Variants in PEAK1 observed in about 807,000 individuals in gnomAD.
The protein encoded by PEAK1 is pseudopodium enriched atypical kinase 1.
A neutral mutation model predicts 124.7 loss-of-function variants in PEAK1; 54 were observed. That is an observed-to-expected ratio of 0.43 (90% confidence interval 0.35 to 0.54). The LOEUF is 0.54. PEAK1 is among the 20% of genes least tolerant of loss of function. The pLI, the probability that PEAK1 is intolerant of heterozygous loss-of-function variation, is 0.01. For synonymous variants in PEAK1, 719 were observed against 760.0 expected, an observed-to-expected ratio of 0.95 and a Z score of 0.89; for missense variants, 2,046 against 2,134.5, an observed-to-expected ratio of 0.96 and a Z score of 0.82.
At chr15:77,204,624 C>T (rs1312291435) in intron 6 of PEAK1, 1 of 152,630 alleles carries the variant, frequency 6.6e-6, no homozygotes, top group Non-Finnish European at 1.5e-5. Flanking sequence ...GCTAAATCTG[C>T]TCCTGCAAAA....
At chr15:77,223,886 A>ATTTTTTTTTTTTTT (rs10719377) in intron 6 of PEAK1, among the ~76,000 whole-genome samples, 7 of 121,574 alleles carry the variant, frequency 5.8e-5, no homozygotes, top group South Asian at 2.8e-4. Context: ...CATTTGAGAG[A>ATTTTTTTTTTTTTT]TTTTTTTTTT....
At chr15:77,406,289 AT>A (rs2071812612) in intron 1 of PEAK1, among the ~76,000 whole-genome samples, 1 of 152,182 alleles carries the variant, frequency 6.6e-6, no homozygotes, top group South Asian at 2.1e-4. Flanking sequence ...GAGCAACCAG[AT>A]AAGAGAAAGA....
Position 77,419,014 on chromosome 15 carries a change from G to GA in PEAK1, c.-666+991dup, listed in dbSNP as rs533787246. 1.6e-4 allele frequency: 155 copies of GA among 984,268 alleles called. No homozygotes were observed. The South Asian group carries it at 6.4e-3, about 40-fold the overall frequency. 61.0% of individuals were successfully genotyped at this position (984,268 alleles called of 1,614,324 possible). Reference sequence around the variant, plus strand: ...GATCTTACCACATTCAACAGAGGCAGAAAAAAAATCAATTAGGTTTTCTAT... The same window carrying GA: ...GATCTTACCACATTCAACAGAGGCAGAAAAAAAAATCAATTAGGTTTTCTAT... On this transcript the variant is annotated intron_variant, in intron 1 of 9. Coordinates refer to ENST00000682557, the MANE Select transcript of PEAK1 (RefSeq NM_001385026.1).
At chr15:77,194,661 T>C (rs781346897) in intron 6 of PEAK1, among the ~76,000 whole-genome samples, 28 of 152,186 alleles carry the variant, frequency 1.8e-4, no homozygotes, top group Non-Finnish European at 3.7e-4. Flanking sequence ...GTGCAGGAGA[T>C]ATATCTTATT....
chr15:77,160,452 C>T (rs796404584), intron 7 of PEAK1, among the ~76,000 whole-genome samples: 38 of 151,972 alleles, frequency 2.5e-4, no homozygotes, highest in African/African-American at 8.7e-4. Flanking sequence ...CTGAGGCGGG[C>T]GGATCACGAG....
chr15:77,190,554 A>G (rs1420112272), intron 6 of PEAK1, among the ~76,000 whole-genome samples: 1 of 152,256 alleles, frequency 6.6e-6, no homozygotes, highest in African/African-American at 2.4e-5. Flanking sequence ...TGCAATGGCC[A>G]TATTAACTAA....
intron 5 of PEAK1, among the ~76,000 whole-genome samples, chr15:77,283,593 A>C (rs1451630172): frequency 6.6e-6 from 1 of 152,172 alleles, no homozygotes; most frequent in Non-Finnish European, 1.5e-5. Context: ...AAGAAAACCC[A>C]CTTCAATAAA....
At chr15:77,320,906 G>C (rs1216275230) in intron 2 of PEAK1, among the ~76,000 whole-genome samples, 1 of 151,852 alleles carries the variant, frequency 6.6e-6, no homozygotes, top group Non-Finnish European at 1.5e-5. Context: ...GAGAGCATGC[G>C]GTGTTTGGTT....
At chr15:77,259,639 A>T (rs1469249341) in intron 5 of PEAK1, among the ~76,000 whole-genome samples, 1 of 152,202 alleles carries the variant, frequency 6.6e-6, no homozygotes, top group Admixed American at 6.5e-5. Context: ...GAGGGATTAA[A>T]CAGTTCCAGG....
intron 5 of PEAK1, among the ~76,000 whole-genome samples, chr15:77,253,606 T>G (rs2060986099): frequency 6.7e-6 from 1 of 148,714 alleles, no homozygotes; most frequent in Admixed American, 6.6e-5. Flanking sequence ...ATTGTCTTAC[T>G]TTACCTTCAT....
chr15:77,220,196 A>C (rs2059324468), intron 6 of PEAK1, among the ~76,000 whole-genome samples: 1 of 152,090 alleles, frequency 6.6e-6, no homozygotes. Flanking sequence ...CTTCATGAGA[A>C]ACTTGGTAAA....
chr15:77,345,206 T>C (rs1342678723), intron 2 of PEAK1, among the ~76,000 whole-genome samples: 1 of 152,182 alleles, frequency 6.6e-6, no homozygotes, highest in East Asian at 1.9e-4. Context: ...GTTGAGGTAG[T>C]TTTCTTCTAC....
chr15:77,222,685 C>T (rs2059442438), intron 6 of PEAK1, among the ~76,000 whole-genome samples: 4 of 151,830 alleles, frequency 2.6e-5, no homozygotes, highest in South Asian at 4.2e-4. Flanking sequence ...TTCTGGGTCC[C>T]TTCACTATAG....
At chr15:77,389,791 T>C (rs1305543669) in intron 1 of PEAK1, among the ~76,000 whole-genome samples, 1 of 152,118 alleles carries the variant, frequency 6.6e-6, no homozygotes, top group African/African-American at 2.4e-5. Flanking sequence ...TGTTCCACCA[T>C]CCCTGTATAC....
intron 6 of PEAK1, among the ~76,000 whole-genome samples, chr15:77,242,725 A>C (rs1667412000): frequency 2.0e-5 from 3 of 152,148 alleles, no homozygotes; most frequent in Non-Finnish European, 4.4e-5. Context: ...TATCCTTGGA[A>C]TCAGTTACTG....
At chr15:77,348,863 A>G (rs1213152932) in intron 2 of PEAK1, 5 of 943,318 alleles carry the variant, frequency 5.3e-6, no homozygotes, top group Admixed American at 1.2e-4. Flanking sequence ...GCTGGTCTTG[A>G]ACTCCTGGGC....
intron 8 of PEAK1, among the ~76,000 whole-genome samples, chr15:77,151,477 G>A (rs2054620231): frequency 6.6e-6 from 1 of 152,138 alleles, no homozygotes; most frequent in Non-Finnish European, 1.5e-5. Flanking sequence ...TCACTCTGAT[G>A]GTAGTTTCTT....
chr15:77,353,314 T>C (rs1322409372), intron 2 of PEAK1, among the ~76,000 whole-genome samples: 1 of 152,134 alleles, frequency 6.6e-6, no homozygotes, highest in Non-Finnish European at 1.5e-5. Context: ...AGAAAAGCCA[T>C]GCAGGTTCTG....
intron 6 of PEAK1, among the ~76,000 whole-genome samples, chr15:77,243,253 C>T (rs1381524382): frequency 6.6e-6 from 1 of 152,170 alleles, no homozygotes; most frequent in Non-Finnish European, 1.5e-5. Flanking sequence ...CCATATGTGT[C>T]AGACTAAATT....
Sources: allele counts gnomAD v4.1 joint callset (sites outside exome capture counted in the v4.1 genomes callset), GRCh38; gene constraint gnomAD v4.1.1; transcripts MANE v1.5; gene names NCBI Gene and HGNC (gene_info 2026-07-23, HGNC 2026-07-21).